Variants in RALGPS1 observed in about 807,000 individuals in gnomAD.
RALGPS1 encodes ras-specific guanine nucleotide-releasing factor RalGPS1.
Under a neutral mutation model 78.8 loss-of-function variants are expected in RALGPS1, and 19 were observed. The ratio of observed to expected loss-of-function variants is 0.24; its 90% CI spans 0.17 to 0.35. RALGPS1 has a LOEUF of 0.35. Among genes scored for constraint, RALGPS1 ranks in the 10% least tolerant of loss-of-function variants. RALGPS1 has a pLI of 1.00. For synonymous variants in RALGPS1, 228 were observed against 256.3 expected (o/e 0.89, Z 1.06); for missense variants, 454 against 688.3 (o/e 0.66, Z 3.81).
intron 8 of RALGPS1, among the ~76,000 whole-genome samples, chr9:127,144,659 C>T (rs2057992124): frequency 1.3e-5 from 2 of 152,314 alleles, no homozygotes; most frequent in Admixed American, 1.3e-4. Context: ...CAGTGGAATA[C>T]CATTCAGCCA....
Position 126,962,326 on chromosome 9 carries a change from G to A in RALGPS1, c.37G>A (p.Val13Ile), listed in dbSNP as rs1361364663. Reference sequence around the variant, plus strand: ...GAATGGTCTGATGGCTAGCGTGTTGGTCACCTCTGCCACTCCACAGGTACT... The same window carrying A: ...GAATGGTCTGATGGCTAGCGTGTTGATCACCTCTGCCACTCCACAGGTACT... ...KRNGLMASVL[V>I]TSATPQGSSS... The change falls in exon 2 of 19, where the codon GTC becomes ATC. Residue 13 changes from valine (V) to isoleucine (I), a missense_variant. Transcript: ENST00000259351. The A allele has an allele frequency of 2.3e-5, 37 of 1,614,128 alleles. No individual in the cohort carries two copies. The highest frequency in any genetic ancestry group is 3.0e-5 in the Non-Finnish European group (35 of 1,179,990).
intron 1 of RALGPS1, among the ~76,000 whole-genome samples, chr9:126,925,075 C>G (rs1459130100): frequency 6.7e-6 from 1 of 149,946 alleles, no homozygotes; most frequent in Non-Finnish European, 1.5e-5. Context: ...TGCGGTGAGC[C>G]GAGATCGCAC....
In RALGPS1 at chr9:127,159,054, T is replaced by C. The variant is rs545524090; in HGVS notation, c.611-7015T>C. ...GGCAGAAAAAAGTGTCAGTTTCTTCTCTATTCCCAATTGTCATTGAAGGGT... is the reference window on the plus strand; with the variant it reads ...GGCAGAAAAAAGTGTCAGTTTCTTCCCTATTCCCAATTGTCATTGAAGGGT... On this transcript the variant is annotated intron_variant, in intron 8 of 18. Coordinates refer to ENST00000259351, the MANE Select transcript of RALGPS1 (RefSeq NM_014636.3). Among the ~76,000 whole-genome samples, 7 of 152,272 alleles carry C rather than the reference T, an allele frequency of 4.6e-5. 1 individual carries two copies. The South Asian group carries it at 1.5e-3, about 32-fold the overall frequency.
At chr9:126,926,454 G>C (rs770333267) in intron 1 of RALGPS1, among the ~76,000 whole-genome samples, 7 of 152,170 alleles carry the variant, frequency 4.6e-5, no homozygotes, top group Non-Finnish European at 1.0e-4. Flanking sequence ...TTGTACAAAG[G>C]TACAGAAGCA....
Position 127,218,704 on chromosome 9 carries a change from C to T in RALGPS1, c.1645-36C>T, listed in dbSNP as rs373277881. The T allele has an allele frequency of 9.9e-6, 16 of 1,608,818 alleles. No individual in the cohort carries two copies. Among genetic ancestry groups the T allele is most frequent in the African/African-American group, 4.0e-5 (3 of 74,900 alleles). On this transcript the variant is annotated intron_variant, in intron 18 of 18. Transcript: ENST00000259351. The surrounding 1 kb of genome is among the most constrained non-coding windows in gnomAD (Gnocchi z 4.4). ...ACCACCCCTTGTCCTTCTCTGAGGT[C>T]GGAACTTTAACAAGAGGCTGAGCTT...
intron 8 of RALGPS1, among the ~76,000 whole-genome samples, chr9:127,153,583 G>A (rs2058549202): frequency 1.3e-5 from 2 of 151,942 alleles, no homozygotes; most frequent in Non-Finnish European, 1.5e-5. Flanking sequence ...TCATGATGGC[G>A]GCGCACATCA....
intron 4 of RALGPS1, among the ~76,000 whole-genome samples, chr9:126,983,204 T>C (rs980602607): frequency 6.6e-6 from 1 of 152,112 alleles, no homozygotes; most frequent in Non-Finnish European, 1.5e-5. Flanking sequence ...CCCAAAGTGC[T>C]GGGATTACAG....
At position 127,091,908 on chromosome 9, in the gene RALGPS1, C is replaced by T; in HGVS notation, c.610+22552C>T. ...GCCAGTAAATGTTCTCCAGGCCCAG[C>T]CAGTATTCGCCGTCAATGTTCCCAA... On this transcript the variant is annotated intron_variant, in intron 8 of 18. Transcript: ENST00000259351. The surrounding 1 kb of genome is among the most constrained non-coding windows in gnomAD (Gnocchi z 4.3). 1.9e-6 allele frequency: 3 copies of T among 1,614,120 alleles called. No individual in the cohort carries two copies. The highest frequency in any genetic ancestry group is 1.7e-6 in the Non-Finnish European group (2 of 1,180,028).
Position 126,918,501 on chromosome 9 carries a change from T to G in RALGPS1, c.-66+3526T>G, listed in dbSNP as rs527388706. 2.6e-5 allele frequency among the ~76,000 whole-genome samples: 4 copies of G among 152,170 alleles called. No homozygotes were observed. The East Asian group carries it at 7.7e-4, about 29-fold the overall frequency. Reference sequence around the variant, plus strand: ...AACACCTGGCTAATTTTTAAATTTTTTGTAGAGATGGGAGTCTCACTATGT... The same window carrying G: ...AACACCTGGCTAATTTTTAAATTTTGTGTAGAGATGGGAGTCTCACTATGT... On this transcript the variant is annotated intron_variant, in intron 1 of 18. Transcript: ENST00000259351.
intron 1 of RALGPS1, among the ~76,000 whole-genome samples, chr9:126,919,626 A>G (rs759143620): frequency 4.3e-4 from 65 of 152,272 alleles, no homozygotes; most frequent in Non-Finnish European, 8.2e-4. Context: ...GTGCGGAGGA[A>G]GGGAGATCAT....
chr9:126,951,686 T>C (rs1459210772), intron 1 of RALGPS1, among the ~76,000 whole-genome samples: 1 of 152,194 alleles, frequency 6.6e-6, no homozygotes, highest in East Asian at 1.9e-4. Context: ...ATAAGAGCTA[T>C]TTATGACAAC....
At chr9:127,172,401 G>T (rs1336420023) in intron 10 of RALGPS1, among the ~76,000 whole-genome samples, 2 of 152,200 alleles carry the variant, frequency 1.3e-5, no homozygotes, top group African/African-American at 4.8e-5. Flanking sequence ...CTTCATAAGA[G>T]AATGCCTCAG....
chr9:127,055,986 A>G (rs1435305411), intron 7 of RALGPS1, among the ~76,000 whole-genome samples: 2 of 152,196 alleles, frequency 1.3e-5, no homozygotes, highest in African/African-American at 4.8e-5. Context: ...TGTGCAGCCA[A>G]TGAGCCAGAG....
intron 10 of RALGPS1, 51 bp downstream of exon 10, chr9:127,168,823 T>C: frequency 6.8e-7 from 1 of 1,473,556 alleles, no homozygotes; most frequent in Non-Finnish European, 9.5e-7. Flanking sequence ...ACTTTTGTCC[T>C]TAGTGCTCAG....
At chr9:127,121,392 G>A (rs1354360396) in intron 8 of RALGPS1, among the ~76,000 whole-genome samples, 1 of 152,200 alleles carries the variant, frequency 6.6e-6, no homozygotes, top group East Asian at 1.9e-4. Context: ...ATACATGTGG[G>A]GAGCATTTGG....
chr9:127,049,905 A>T, intron 5 of RALGPS1, 138 bp from the exon 6 acceptor site: 1 of 671,538 alleles, frequency 1.5e-6, no homozygotes, highest in East Asian at 2.7e-5. Flanking sequence ...AACTCATGTG[A>T]CCCCAGGCTA....
intron 5 of RALGPS1, among the ~76,000 whole-genome samples, chr9:127,036,834 A>T (rs1159803899): frequency 6.6e-6 from 1 of 152,230 alleles, no homozygotes; most frequent in Non-Finnish European, 1.5e-5. Context: ...ACAGTATCAC[A>T]TATGAATGTT....
In RALGPS1 at chr9:126,962,328, C is replaced by G. The variant is rs776240369; in HGVS notation, c.39C>G (p.Val13=). The change falls in exon 2 of 19, where the codon GTC becomes GTG. Residue 13 remains valine, a synonymous_variant. Transcript: ENST00000259351. ...ATGGTCTGATGGCTAGCGTGTTGGT[C>G]ACCTCTGCCACTCCACAGGTACTGA... ...KRNGLMASVL[V]TSATPQGSSS... 2.5e-6 allele frequency: 4 copies of G among 1,614,014 alleles called. No individual in the cohort carries two copies. In the East Asian group the frequency reaches 8.9e-5, roughly 36 times the overall value.
chr9:127,152,353 G>T (rs1444332144), intron 8 of RALGPS1, among the ~76,000 whole-genome samples: 4 of 152,156 alleles, frequency 2.6e-5, no homozygotes, highest in Non-Finnish European at 5.9e-5. Flanking sequence ...CAGCTTTGGG[G>T]TTTATTAATA....
Sources: allele counts gnomAD v4.1 joint callset (sites outside exome capture counted in the v4.1 genomes callset), GRCh38; gene constraint gnomAD v4.1.1; non-coding constraint Gnocchi (gnomAD v3.1); transcripts MANE v1.5; gene names NCBI Gene and HGNC (gene_info 2026-07-23, HGNC 2026-07-21).